The following PRELID2 variants were observed in gnomAD, a reference collection of about 807,000 sequenced individuals.
PRELID2 encodes PRELI domain-containing protein 2.
PRELID2 carries 25 observed loss-of-function variants against 28.4 expected under a neutral mutation model. That is an observed-to-expected ratio of 0.88 (90% CI 0.64 to 1.23). PRELID2 has a LOEUF of 1.23. PRELID2 is among the 50% of genes most tolerant of loss of function. The pLI, the probability that PRELID2 is intolerant of heterozygous loss-of-function variation, is 0.00. For missense variants in PRELID2, 201 were observed against 214.4 expected (o/e 0.94, Z 0.39); for synonymous variants, 76 against 71.6 (o/e 1.06, Z -0.31).
the PRELID2 span, among the ~76,000 whole-genome samples, chr5:145,323,694 A>G: frequency 6.6e-6 from 1 of 152,132 alleles, no homozygotes; most frequent in Non-Finnish European, 1.5e-5. Context: ...GCTCCCACTT[A>G]TAAAATGAGA....
the PRELID2 span, among the ~76,000 whole-genome samples, chr5:145,329,707 A>G: frequency 1.3e-5 from 2 of 152,206 alleles, no homozygotes; most frequent in Admixed American, 6.5e-5. Context: ...TTCTAAATAT[A>G]CAATCATGTC....
At chr5:145,433,676 C>T in the PRELID2 span, among the ~76,000 whole-genome samples, 491 of 152,188 alleles carry the variant, frequency 3.2e-3, 4 homozygotes, top group African/African-American at 0.011. Context: ...TTCCAACTCC[C>T]GAGACACCAG....
intron 1 of PRELID2, among the ~76,000 whole-genome samples, chr5:145,484,241 A>T (rs184974511): frequency 2.0e-5 from 3 of 152,240 alleles, no homozygotes; most frequent in Admixed American, 2.0e-4. Flanking sequence ...ACATATGGAG[A>T]CTATGAGGAA....
chr5:145,584,889 G>A (rs1467539770), intron 1 of PRELID2, among the ~76,000 whole-genome samples: 1 of 152,116 alleles, frequency 6.6e-6, no homozygotes, highest in African/African-American at 2.4e-5. Flanking sequence ...ACTCTTCAAA[G>A]ATCTAGAGAC....
At chr5:145,799,850 G>A (rs1319847808) in intron 4 of PRELID2, among the ~76,000 whole-genome samples, 4 of 152,162 alleles carry the variant, frequency 2.6e-5, no homozygotes, top group Admixed American at 6.6e-5. Context: ...TCACATCTGC[G>A]CCACTGACTA....
chr5:145,348,641 CA>C, the PRELID2 span, among the ~76,000 whole-genome samples: 4 of 150,550 alleles, frequency 2.7e-5, no homozygotes, highest in Non-Finnish European at 5.9e-5. Flanking sequence ...AAATTGCAGC[CA>C]TTTTTTTTTT....
chr5:145,254,738 G>A, the PRELID2 span, among the ~76,000 whole-genome samples: 2 of 151,880 alleles, frequency 1.3e-5, no homozygotes, highest in Admixed American at 6.6e-5. Flanking sequence ...TCAAAAACCC[G>A]GCAGGCATTT....
intron 5 of PRELID2, among the ~76,000 whole-genome samples, chr5:145,788,021 C>T (rs908492559): frequency 3.0e-4 from 45 of 152,090 alleles, no homozygotes; most frequent in African/African-American, 1.1e-3. Flanking sequence ...AAAGCCCTCC[C>T]AAACTGGTGA....
the PRELID2 span, among the ~76,000 whole-genome samples, chr5:145,374,213 G>C: frequency 3.3e-5 from 5 of 151,774 alleles, no homozygotes; most frequent in African/African-American, 1.2e-4. Flanking sequence ...GCTTGTCTGG[G>C]AAGGATTTTA....
intron 5 of PRELID2, among the ~76,000 whole-genome samples, chr5:145,781,230 C>T (rs114067063): frequency 0.01 from 1,542 of 152,258 alleles, 33 homozygotes; most frequent in African/African-American, 0.035. Flanking sequence ...CAGCTGGACA[C>T]CTCAGACAGC....
the PRELID2 span, among the ~76,000 whole-genome samples, chr5:145,406,929 C>T: frequency 1.7e-3 from 265 of 152,210 alleles, no homozygotes; most frequent in Non-Finnish European, 3.0e-3. Context: ...ACTCCCAGTC[C>T]CCAGCTCAAA....
At chr5:145,774,330 C>T (rs200624574) in intron 5 of PRELID2, among the ~76,000 whole-genome samples, 9 of 152,188 alleles carry the variant, frequency 5.9e-5, no homozygotes, top group East Asian at 5.8e-4. Context: ...CATTCCACAA[C>T]GAGTGCTTAC....
At chr5:145,336,941 A>G in the PRELID2 span, among the ~76,000 whole-genome samples, 2 of 119,982 alleles carry the variant, frequency 1.7e-5, no homozygotes, top group African/African-American at 6.5e-5. Context: ...GAAGGGGAAC[A>G]TCACACTCTG....
intron 1 of PRELID2, among the ~76,000 whole-genome samples, chr5:145,499,630 T>C (rs1164996580): frequency 6.6e-6 from 1 of 152,134 alleles, no homozygotes; most frequent in Non-Finnish European, 1.5e-5. Flanking sequence ...TGTCCTGACA[T>C]CTGCAGGGCC....
chr5:145,336,382 T>C, the PRELID2 span, among the ~76,000 whole-genome samples: 1 of 151,558 alleles, frequency 6.6e-6, no homozygotes. Context: ...GCCTAGGTTT[T>C]CTTCTAGGGT....
At chr5:145,681,400 G>A (rs1325148630) in intron 1 of PRELID2, among the ~76,000 whole-genome samples, 1 of 152,126 alleles carries the variant, frequency 6.6e-6, no homozygotes, top group Non-Finnish European at 1.5e-5. Flanking sequence ...CACTCTGAGA[G>A]TAAAATCCAG....
the PRELID2 span, chr5:145,451,146 G>A: frequency 6.6e-6 from 1 of 152,220 alleles, no homozygotes; most frequent in Non-Finnish European, 1.5e-5. Flanking sequence ...TGACTTCAAA[G>A]TAATTCATTA....
the PRELID2 span, among the ~76,000 whole-genome samples, chr5:145,444,983 C>T: frequency 1.3e-5 from 2 of 151,800 alleles, no homozygotes; most frequent in Non-Finnish European, 2.9e-5. Flanking sequence ...CAGTACAACC[C>T]CTATCAAAAT....
intron 1 of PRELID2, among the ~76,000 whole-genome samples, chr5:145,528,002 G>T (rs1427545796): frequency 6.6e-6 from 1 of 151,882 alleles, no homozygotes; most frequent in Non-Finnish European, 1.5e-5. Context: ...CAGAACCTTT[G>T]CATATTATGT....
Sources: gnomAD v4.1 joint callset for allele counts (sites outside exome capture counted in the v4.1 genomes callset) on GRCh38, gnomAD v4.1.1 for gene constraint, MANE v1.5 for transcripts, NCBI Gene and HGNC (gene_info 2026-07-23, HGNC 2026-07-21) for gene names.